CFAP299: variants seen among roughly 807,000 people sequenced by gnomAD.
CFAP299 encodes the protein cilia and flagella associated protein 299.
CFAP299 carries 21 observed loss-of-function variants against 27.0 expected under a neutral mutation model. That is an observed-to-expected ratio of 0.78 (90% CI 0.55 to 1.12). CFAP299 has a LOEUF of 1.12. CFAP299 is among the 50% of genes most tolerant of loss of function. The pLI is 0.00. For synonymous variants in CFAP299, 104 were observed against 98.1 expected (o/e 1.06, Z -0.36); for missense variants, 310 against 276.6 (o/e 1.12, Z -0.86).
chr4:80,615,939 G>A (rs989761326), intron 3 of CFAP299, among the ~76,000 whole-genome samples: 7 of 151,884 alleles, frequency 4.6e-5, no homozygotes, highest in Admixed American at 1.3e-4. Context: ...TCTCACCTCC[G>A]TTCATTCCTT....
rs543546883 is a variant in CFAP299, at chr4:80,563,657, A to C, written c.243-19436A>C. On this transcript the variant is annotated intron_variant, in intron 2 of 5. Coordinates refer to ENST00000358105, the MANE Select transcript of CFAP299 (RefSeq NM_152770.3). The stretch of plus-strand genomic sequence containing the variant: ...TAAAGACCTGGAAAAGCAAGAGCAA[A>C]CCAAATCCAAAATTAGTAGAAGGAA... Among the ~76,000 whole-genome samples the C allele has an allele frequency of 9.2e-5, 14 of 152,192 alleles. No homozygotes were observed. In the East Asian group the frequency reaches 2.3e-3, roughly 25 times the overall value.
At chr4:80,468,259 G>T (rs532063087) in intron 2 of CFAP299, among the ~76,000 whole-genome samples, 1 of 147,788 alleles carries the variant, frequency 6.8e-6, no homozygotes, top group Non-Finnish European at 1.5e-5. Flanking sequence ...TTGCTCTGTC[G>T]TCCAGGCTGG....
At chr4:80,541,316 G>A (rs1182888651) in intron 2 of CFAP299, among the ~76,000 whole-genome samples, 1 of 152,094 alleles carries the variant, frequency 6.6e-6, no homozygotes, top group Non-Finnish European at 1.5e-5. Flanking sequence ...CTTCATTGTG[G>A]TTAGTAATTC....
intron 3 of CFAP299, among the ~76,000 whole-genome samples, chr4:80,602,566 C>T (rs1737412209): frequency 6.6e-6 from 1 of 152,020 alleles, no homozygotes; most frequent in African/African-American, 2.4e-5. Flanking sequence ...AGAATTCTAG[C>T]ATAGAAATTA....
chr4:80,621,986 T>G (rs1055354317), intron 3 of CFAP299, among the ~76,000 whole-genome samples: 1 of 151,958 alleles, frequency 6.6e-6, no homozygotes, highest in Non-Finnish European at 1.5e-5. Flanking sequence ...TGCATTGTGT[T>G]GGGAAAGTTT....
intron 3 of CFAP299, among the ~76,000 whole-genome samples, chr4:80,703,348 T>C (rs901391399): frequency 6.6e-6 from 1 of 151,740 alleles, no homozygotes; most frequent in East Asian, 1.9e-4. Flanking sequence ...CCCTAGATTA[T>C]CGAAATGACA....
intron 3 of CFAP299, among the ~76,000 whole-genome samples, chr4:80,622,801 C>T (rs1252735293): frequency 6.6e-6 from 1 of 152,116 alleles, no homozygotes. Flanking sequence ...CAACTGCTGA[C>T]TCACATCATC....
intron 1 of CFAP299, among the ~76,000 whole-genome samples, chr4:80,348,975 G>C (rs1578340726): frequency 6.6e-6 from 1 of 152,096 alleles, no homozygotes; most frequent in Non-Finnish European, 1.5e-5. Flanking sequence ...CTGTTAACAC[G>C]GTTGATGAAA....
chr4:80,705,392 G>C (rs1302148222), intron 3 of CFAP299, among the ~76,000 whole-genome samples: 1 of 151,798 alleles, frequency 6.6e-6, no homozygotes, highest in Non-Finnish European at 1.5e-5. Context: ...GATGTTGGTG[G>C]ATGGATATGA....
chr4:80,816,402 A>G (rs1729423365), intron 3 of CFAP299, among the ~76,000 whole-genome samples: 1 of 152,174 alleles, frequency 6.6e-6, no homozygotes, highest in Non-Finnish European at 1.5e-5. Flanking sequence ...ATAGAAAATG[A>G]TATAGTGATA....
rs1733209284 is a variant in CFAP299 at position 80,526,876 on chromosome 4, G to A, written c.243-56217G>A. Among the ~76,000 whole-genome samples the A allele has an allele frequency of 3.3e-5, 5 of 152,132 alleles. 1 individual carries two copies. The highest frequency in any genetic ancestry group is 3.3e-4 in the Admixed American group (5 of 15,270). On this transcript the variant is annotated intron_variant, in intron 2 of 5. Transcript: ENST00000358105. ...ATTTCTTGAACAAATACATATGTAA[G>A]GTTTTATTTTAGGGTGTTACAACAA...
Position 80,640,506 on chromosome 4 carries a change from C to T in CFAP299, c.333+57323C>T, listed in dbSNP as rs575835243. ...TTAGCCTATGAAAATAGTGCCATGC[C>T]CAGAGTATTCTCCCTGACAGTGGTT... is the stretch of plus-strand genomic sequence containing the variant. On this transcript the variant is annotated intron_variant, in intron 3 of 5. Coordinates refer to ENST00000358105, the MANE Select transcript of CFAP299 (RefSeq NM_152770.3). Among the ~76,000 whole-genome samples, 6 of 152,218 alleles carry T rather than the reference C, an allele frequency of 3.9e-5. No individual in the cohort carries two copies. The East Asian group carries it at 9.7e-4, about 25-fold the overall frequency.
At chr4:80,893,642 A>G (rs938587807) in intron 4 of CFAP299, among the ~76,000 whole-genome samples, 4 of 151,306 alleles carry the variant, frequency 2.6e-5, no homozygotes, top group African/African-American at 9.8e-5. Context: ...AAATGATACT[A>G]GAAAAACTAA....
At chr4:80,839,273 A>G (rs996467317) in intron 3 of CFAP299, among the ~76,000 whole-genome samples, 20 of 152,152 alleles carry the variant, frequency 1.3e-4, no homozygotes, top group South Asian at 2.1e-4. Context: ...TTTCAGCATC[A>G]TCGCAAAGTA....
intron 2 of CFAP299, among the ~76,000 whole-genome samples, chr4:80,431,038 T>TA (rs1419594476): frequency 6.6e-5 from 10 of 152,202 alleles, no homozygotes; most frequent in African/African-American, 2.4e-4. Context: ...ATTTAAAAAT[T>TA]ACTGCCCTCT....
chr4:80,556,224 T>G (rs1734772938), intron 2 of CFAP299, among the ~76,000 whole-genome samples: 1 of 152,050 alleles, frequency 6.6e-6, no homozygotes, highest in Non-Finnish European at 1.5e-5. Context: ...ATCAGAAAAC[T>G]TGTATTTAAG....
chr4:80,727,568 G>T (rs1226654594), intron 3 of CFAP299, among the ~76,000 whole-genome samples: 1 of 151,986 alleles, frequency 6.6e-6, no homozygotes, highest in Admixed American at 6.6e-5. Flanking sequence ...TGGCCCTTGG[G>T]TTCCTTATTT....
chr4:80,799,715 T>C (rs1217119150), intron 3 of CFAP299, among the ~76,000 whole-genome samples: 8 of 55,486 alleles, frequency 1.4e-4, no homozygotes, highest in East Asian at 8.8e-4. Context: ...ATATTTTATA[T>C]ATTATATTTT....
At chr4:80,622,355 A>C (rs1738650531) in intron 3 of CFAP299, among the ~76,000 whole-genome samples, 1 of 152,142 alleles carries the variant, frequency 6.6e-6, no homozygotes, top group African/African-American at 2.4e-5. Context: ...ATCAACACAG[A>C]GTGATTTTAA....
Sources: gnomAD v4.1 joint callset for allele counts (sites outside exome capture counted in the v4.1 genomes callset) on GRCh38, gnomAD v4.1.1 for gene constraint, MANE v1.5 for transcripts, NCBI Gene and HGNC (gene_info 2026-07-23, HGNC 2026-07-21) for gene names.